NXPH1: variants seen among roughly 807,000 people sequenced by gnomAD.
The protein encoded by NXPH1 is neurexophilin 1, also known as neurexophilin-1.
In NXPH1, 5 loss-of-function variants were observed where a neutral mutation model predicts 23.7. The ratio of observed to expected loss-of-function variants is 0.21; its 90% CI spans 0.11 to 0.44. The LOEUF (loss-of-function observed/expected upper bound fraction) is 0.44. NXPH1 is among the 20% of genes least tolerant of loss of function. The pLI, the probability that NXPH1 is intolerant of heterozygous loss-of-function variation, is 0.99. For missense variants in NXPH1, 324 were observed against 321.6 expected (o/e 1.01, Z -0.06); for synonymous variants, 144 against 122.2 (o/e 1.18, Z -1.18).
At chr7:8,563,744 T>G (rs940428129) in intron 2 of NXPH1, among the ~76,000 whole-genome samples, 2 of 151,748 alleles carry the variant, frequency 1.3e-5, no homozygotes, top group Admixed American at 6.6e-5. Context: ...ATGCTTTATC[T>G]TTTTACCTGG....
chr7:8,653,468 A>G (rs1236225540), intron 2 of NXPH1, among the ~76,000 whole-genome samples: 1 of 152,210 alleles, frequency 6.6e-6, no homozygotes, highest in African/African-American at 2.4e-5. Flanking sequence ...TAGCTACCGT[A>G]AAAATAGTTC....
intron 2 of NXPH1, among the ~76,000 whole-genome samples, chr7:8,595,663 C>T (rs564681428): frequency 2.6e-5 from 4 of 152,028 alleles, no homozygotes; most frequent in South Asian, 4.1e-4. Context: ...CTGACTTCTA[C>T]GGAACTCAAG....
rs112223677 is a variant in NXPH1 at position 8,650,884 on chromosome 7, A to G, written c.55-100124A>G. ...TTCAATGGTAAAGTAAATGAACAAA[A>G]CTAAATGGCATGAATAAAATGTTGA... is the stretch of plus-strand genomic sequence containing the variant. On this transcript the variant is annotated intron_variant, in intron 2 of 2. Coordinates refer to ENST00000405863, the MANE Select transcript of NXPH1 (RefSeq NM_152745.3). Among the ~76,000 whole-genome samples, 791 of 152,308 alleles carry G rather than the reference A, an allele frequency of 5.2e-3. 5 individuals are homozygous for G. The highest frequency in any genetic ancestry group is 7.8e-3 in the Non-Finnish European group (532 of 68,028).
At chr7:8,632,836 T>C (rs1460623318) in intron 2 of NXPH1, among the ~76,000 whole-genome samples, 3 of 152,210 alleles carry the variant, frequency 2.0e-5, no homozygotes, top group Non-Finnish European at 4.4e-5. Flanking sequence ...TAGAATTTTA[T>C]TGAACCACAG....
chr7:8,436,988 T>C (rs960584390), intron 2 of NXPH1, among the ~76,000 whole-genome samples: 2 of 152,216 alleles, frequency 1.3e-5, no homozygotes, highest in Non-Finnish European at 2.9e-5. Flanking sequence ...TGTGTGTGAA[T>C]GTGTATTTAA....
chr7:8,546,333 T>A (rs1001818094), intron 2 of NXPH1, among the ~76,000 whole-genome samples: 1 of 151,404 alleles, frequency 6.6e-6, no homozygotes, highest in Admixed American at 6.6e-5. Flanking sequence ...TTCCATCAGA[T>A]CATTACTGAA....
chr7:8,569,377 T>C (rs1426690279), intron 2 of NXPH1, among the ~76,000 whole-genome samples: 1 of 151,932 alleles, frequency 6.6e-6, no homozygotes, highest in African/African-American at 2.4e-5. Flanking sequence ...AGAATATTTT[T>C]GAGATAATCA....
At chr7:8,594,354 T>C (rs1819167892) in intron 2 of NXPH1, among the ~76,000 whole-genome samples, 1 of 152,048 alleles carries the variant, frequency 6.6e-6, no homozygotes, top group African/African-American at 2.4e-5. Flanking sequence ...AAGTATGTCA[T>C]TGTTGACGAT....
At chr7:8,505,695 GT>G (rs1171085030) in intron 2 of NXPH1, among the ~76,000 whole-genome samples, 1 of 152,022 alleles carries the variant, frequency 6.6e-6, no homozygotes, top group Admixed American at 6.6e-5. Context: ...TTGCATTAAA[GT>G]TTTGCATACA....
chr7:8,604,647 A>G lies in NXPH1; in HGVS notation c.55-146361A>G, dbSNP rs577403079. On this transcript the variant is annotated intron_variant, in intron 2 of 2. Transcript: ENST00000405863. ...TGCAATTTAGAATCTATAATATTTT[A>G]TCATACTATATATGCCTTATTTGTG... is the stretch of plus-strand genomic sequence containing the variant. Among the ~76,000 whole-genome samples, 6 of 152,254 alleles carry G rather than the reference A, an allele frequency of 3.9e-5. No individual in the cohort carries two copies. In the South Asian group the frequency reaches 1.2e-3, roughly 32 times the overall value.
intron 2 of NXPH1, among the ~76,000 whole-genome samples, chr7:8,604,568 TA>T (rs992747710): frequency 6.6e-6 from 1 of 152,142 alleles, no homozygotes; most frequent in Admixed American, 6.6e-5. Context: ...GTGAACAATA[TA>T]AAAAATATAA....
At chr7:8,486,312 A>C (rs1260403761) in intron 2 of NXPH1, among the ~76,000 whole-genome samples, 2 of 152,170 alleles carry the variant, frequency 1.3e-5, no homozygotes, top group African/African-American at 4.8e-5. Context: ...AATGTTCTTT[A>C]AGGATAAAGC....
intron 2 of NXPH1, among the ~76,000 whole-genome samples, chr7:8,717,413 A>C (rs1779895163): frequency 6.6e-6 from 1 of 152,178 alleles, no homozygotes; most frequent in Admixed American, 6.5e-5. Flanking sequence ...ATCTTTAGTG[A>C]GTCAACCTCT....
intron 2 of NXPH1, among the ~76,000 whole-genome samples, chr7:8,511,992 G>A (rs1179034512): frequency 4.6e-5 from 7 of 152,172 alleles, no homozygotes; most frequent in South Asian, 2.1e-4. Context: ...CAGGGCAGAT[G>A]CTAGAGATGA....
intron 2 of NXPH1, among the ~76,000 whole-genome samples, chr7:8,716,580 A>G (rs892631672): frequency 1.3e-5 from 2 of 152,234 alleles, no homozygotes; most frequent in Admixed American, 1.3e-4. Flanking sequence ...ATAAAAGATA[A>G]GAAAAATTTA....
intron 2 of NXPH1, among the ~76,000 whole-genome samples, chr7:8,505,358 A>G (rs1408513282): frequency 1.3e-5 from 2 of 151,960 alleles, no homozygotes; most frequent in African/African-American, 4.8e-5. Context: ...CCTCCTCTCC[A>G]GTTCTGGGTC....
chr7:8,729,320 T>C (rs1273756588), intron 2 of NXPH1, among the ~76,000 whole-genome samples: 1 of 143,702 alleles, frequency 7.0e-6, no homozygotes, highest in African/African-American at 2.7e-5. Flanking sequence ...TTTGAAGGGT[T>C]TTTTGTGTCT....
intron 2 of NXPH1, among the ~76,000 whole-genome samples, chr7:8,461,415 A>C (rs1816692027): frequency 6.6e-6 from 1 of 152,236 alleles, no homozygotes; most frequent in South Asian, 2.1e-4. Flanking sequence ...AGGAGACTTG[A>C]AGACAGAGGA....
chr7:8,697,508 A>G (rs940000557), intron 2 of NXPH1, among the ~76,000 whole-genome samples: 2 of 152,192 alleles, frequency 1.3e-5, no homozygotes, highest in Admixed American at 6.5e-5. Context: ...TTGTTTAGAC[A>G]GACTGAAGTG....
Sources: allele counts gnomAD v4.1 joint callset (sites outside exome capture counted in the v4.1 genomes callset), GRCh38; gene constraint gnomAD v4.1.1; transcripts MANE v1.5; gene names NCBI Gene and HGNC (gene_info 2026-07-23, HGNC 2026-07-21).